The following PLAAT1 variants were observed in gnomAD, a reference collection of about 807,000 sequenced individuals.
PLAAT1 encodes phospholipase A and acyltransferase 1.
In PLAAT1, 13 loss-of-function variants were observed where a neutral mutation model predicts 16.4. That is an observed-to-expected ratio of 0.79 (90% confidence interval 0.52 to 1.26). The LOEUF is 1.26. PLAAT1 is among the 50% of genes most tolerant of loss of function. The probability of loss-of-function intolerance (pLI) is 0.00; values close to 1 mark genes in which losing one functional copy is unlikely to be tolerated. For synonymous variants in PLAAT1, 73 were observed against 78.4 expected (o/e 0.93, Z 0.36); for missense variants, 218 against 207.8 (o/e 1.05, Z -0.30).
chr3:193,247,478 A>T (rs760526531), intron 1 of PLAAT1, among the ~76,000 whole-genome samples: 7 of 152,176 alleles, frequency 4.6e-5, no homozygotes, highest in Non-Finnish European at 8.8e-5. Flanking sequence ...ACCTGCTTTC[A>T]GGACCCCTCT....
At chr3:193,275,376 C>G, downstream of PLAAT1, 2 of 1,534,734 alleles carry the variant, frequency 1.3e-6, no homozygotes, top group Admixed American at 3.5e-5. Context: ...GCCACCACAG[C>G]CACCTCCTTT....
chr3:193,266,659 A>C (rs542389553), intron 3 of PLAAT1, among the ~76,000 whole-genome samples: 23 of 152,268 alleles, frequency 1.5e-4, no homozygotes, highest in Non-Finnish European at 3.1e-4. Context: ...TTGAAAGATT[A>C]TGGAGATATT....
chr3:193,280,910 T>C (rs191879612), downstream of PLAAT1, among the ~76,000 whole-genome samples: 564 of 152,268 alleles, frequency 3.7e-3, 7 homozygotes, highest in South Asian at 8.9e-3. Flanking sequence ...TACAGGCCTA[T>C]ACCAACCAGA....
chr3:193,267,095 C>T lies in PLAAT1; in HGVS notation c.406-3509C>T, dbSNP rs1365407973. Among the ~76,000 whole-genome samples the T allele has an allele frequency of 4.6e-5, 7 of 152,164 alleles. No individual in the cohort carries two copies. The East Asian group carries it at 1.3e-3, about 29-fold the overall frequency. On this transcript the variant is annotated intron_variant, in intron 3 of 3. Transcript: ENST00000264735. ...TTTTTAGCTTCATAGCAAAATTAAG[C>T]TGAAAGTATAGAACTCTCTCCTCCT...
chr3:193,260,881 G>A (rs1716560547), intron 2 of PLAAT1, among the ~76,000 whole-genome samples: 1 of 152,082 alleles, frequency 6.6e-6, no homozygotes, highest in Admixed American at 6.5e-5. Context: ...ATTCTACCAA[G>A]AAGACACATG....
intron 1 of PLAAT1, among the ~76,000 whole-genome samples, chr3:193,242,155 G>A (rs1237260473): frequency 6.6e-6 from 1 of 150,536 alleles, no homozygotes; most frequent in Non-Finnish European, 1.5e-5. Context: ...TATCATTAGA[G>A]TTAGTGTATT....
At chr3:193,279,696 T>C (rs1717393510), downstream of PLAAT1, among the ~76,000 whole-genome samples, 1 of 152,146 alleles carries the variant, frequency 6.6e-6, no homozygotes, top group Admixed American at 6.5e-5. Context: ...GTAACCTCCA[T>C]AAAGCAGCTG....
downstream of PLAAT1, among the ~76,000 whole-genome samples, chr3:193,278,474 C>A (rs1717326906): frequency 6.6e-6 from 1 of 152,178 alleles, no homozygotes; most frequent in African/African-American, 2.4e-5. Context: ...TTTAGCCAGT[C>A]TTCTAGTGCT....
chr3:193,254,880 C>T (rs571918993), intron 1 of PLAAT1, among the ~76,000 whole-genome samples: 10 of 152,288 alleles, frequency 6.6e-5, no homozygotes, highest in African/African-American at 2.4e-4. Flanking sequence ...TGCTACACTA[C>T]ACAGTATAGT....
rs985110015 is a variant in PLAAT1 at position 193,276,656 on chromosome 3, G to A, written c.*60-980G>A. On this transcript the variant is annotated intron_variant and NMD_transcript_variant, in intron 2 of 2. Coordinates refer to the PLAAT1 transcript ENST00000416012. ...AACCCTTAATAACTGTCATTTTGGG[G>A]GATCAAAGTGGTTGCTCTAGAAAAT... 1.1e-5 allele frequency: 9 copies of A among 831,844 alleles called. No homozygotes were observed. The African/African-American group carries it at 1.4e-4, about 13-fold the overall frequency. 51.5% of individuals were successfully genotyped at this position (831,844 alleles called of 1,614,324 possible).
chr3:193,250,418 G>A (rs902504350), intron 1 of PLAAT1, among the ~76,000 whole-genome samples: 14 of 152,134 alleles, frequency 9.2e-5, no homozygotes, highest in Non-Finnish European at 1.8e-4. Flanking sequence ...GTCTGAGGCG[G>A]ATGCTTATAC....
chr3:193,263,239 A>C lies in PLAAT1; in HGVS notation c.405+4A>C. On this transcript the variant is annotated splice_donor_region_variant and intron_variant, in intron 3 of 3. Transcript: ENST00000264735. The stretch of plus-strand genomic sequence containing the variant: ...TGGAGAAGGAGTTTCAGAGCAGGTA[A>C]GTTTTCTTTAGGAGATATTCTTACA... 1 of 1,612,556 alleles carries C rather than the reference A, an allele frequency of 6.2e-7. No individual in the cohort carries two copies. The highest frequency in any genetic ancestry group is 8.5e-7 in the Non-Finnish European group (1 of 1,178,948).
At chr3:193,275,015 G>A (rs1174070307), downstream of PLAAT1, 11 of 1,612,500 alleles carry the variant, frequency 6.8e-6, no homozygotes, top group Non-Finnish European at 9.3e-6. Context: ...AAGCAATGCT[G>A]TTGAGCATGT....
intron 1 of PLAAT1, among the ~76,000 whole-genome samples, chr3:193,251,756 G>A (rs2108784896): frequency 6.6e-6 from 1 of 152,184 alleles, no homozygotes; most frequent in South Asian, 2.1e-4. Flanking sequence ...CAATTTTGAT[G>A]TGGATATTTT....
At chr3:193,273,734 A>C (rs1717063613), downstream of PLAAT1, among the ~76,000 whole-genome samples, 2 of 152,204 alleles carry the variant, frequency 1.3e-5, no homozygotes, top group Admixed American at 1.3e-4. Context: ...GTGATATATA[A>C]AAGGTAATAG....
At chr3:193,269,070 A>G (rs1272720653) in intron 3 of PLAAT1, among the ~76,000 whole-genome samples, 1 of 151,922 alleles carries the variant, frequency 6.6e-6, no homozygotes, top group Non-Finnish European at 1.5e-5. Flanking sequence ...ATCCCTGTCT[A>G]ATTAGTGACT....
At chr3:193,248,036 C>T (rs570293580) in intron 1 of PLAAT1, among the ~76,000 whole-genome samples, 2 of 152,262 alleles carry the variant, frequency 1.3e-5, no homozygotes. Context: ...TATTGTATTG[C>T]AGTCCATGTC....
intron 1 of PLAAT1, among the ~76,000 whole-genome samples, chr3:193,243,758 C>T (rs987945058): frequency 6.6e-6 from 1 of 152,158 alleles, no homozygotes; most frequent in Non-Finnish European, 1.5e-5. Flanking sequence ...GTTTCCTCAT[C>T]TGTAAAATGG....
chr3:193,253,008 T>G (rs1716249906), intron 1 of PLAAT1, among the ~76,000 whole-genome samples: 1 of 152,146 alleles, frequency 6.6e-6, no homozygotes, highest in African/African-American at 2.4e-5. Context: ...CCTGACTTCA[T>G]TCAGGGCAGT....
Sources: allele counts gnomAD v4.1 joint callset (sites outside exome capture counted in the v4.1 genomes callset), GRCh38; gene constraint gnomAD v4.1.1; transcripts MANE v1.5; gene names NCBI Gene and HGNC (gene_info 2026-07-23, HGNC 2026-07-21).